Variants in CORIN observed in about 807,000 individuals in gnomAD.
CORIN encodes atrial natriuretic peptide-converting enzyme.
Under a neutral mutation model 125.3 loss-of-function variants are expected in CORIN, and 117 were observed. The observed-to-expected ratio is 0.93, with a 90% confidence interval of 0.80 to 1.09. CORIN has a LOEUF of 1.09. Among genes scored for constraint, CORIN ranks in the 50% least tolerant of loss-of-function variants. The probability of loss-of-function intolerance (pLI) is 0.00; values close to 1 mark genes in which losing one functional copy is unlikely to be tolerated. For synonymous variants in CORIN, 450 were observed against 466.4 expected (o/e 0.96, Z 0.45); for missense variants, 1,253 against 1,306.7 (o/e 0.96, Z 0.63).
chr4:47,690,656 A>C (rs747783243), intron 6 of CORIN, among the ~76,000 whole-genome samples: 1 of 152,218 alleles, frequency 6.6e-6, no homozygotes, highest in Non-Finnish European at 1.5e-5. Flanking sequence ...CTTAGGAACT[A>C]GGCATTTTCT....
intron 5 of CORIN, among the ~76,000 whole-genome samples, chr4:47,709,501 A>C (rs1330384419): frequency 6.6e-6 from 1 of 152,082 alleles, no homozygotes; most frequent in Admixed American, 6.6e-5. Context: ...CATGTTGCCC[A>C]GGCTAGTCTC....
chr4:47,626,913 T>C (rs1329798707), intron 16 of CORIN, among the ~76,000 whole-genome samples: 2 of 152,288 alleles, frequency 1.3e-5, no homozygotes, highest in East Asian at 3.9e-4. Context: ...CAGTGGCCAT[T>C]TAGCATTTAT....
In CORIN at chr4:47,665,072, T is replaced by G. The variant is rs1724418249; in HGVS notation, c.1549A>C (p.Lys517Gln). Residue 517 changes from lysine to glutamine, a missense_variant, in exon 11 of 22, where the codon AAA (lysine) becomes CAA (glutamine). By Grantham distance (53) the Lys-to-Gln change is moderately conservative. Coordinates refer to ENST00000273857, the MANE Select transcript of CORIN (RefSeq NM_006587.4). ...TGCTCGCCTGTATTCACATCACATTTTGGTACCAAAATGGTGCAAGAAAAG... is the reference window on the plus strand; with the variant it reads ...TGCTCGCCTGTATTCACATCACATTGTGGTACCAAAATGGTGCAAGAAAAG... ...MFFSCTILVP[K>Q]CDVNTGEHIP... The G allele has an allele frequency of 6.2e-7, 1 of 1,613,412 alleles. No homozygotes were observed.
At chr4:47,706,137 G>A (rs1023321628) in intron 5 of CORIN, among the ~76,000 whole-genome samples, 1 of 152,066 alleles carries the variant, frequency 6.6e-6, no homozygotes, top group Non-Finnish European at 1.5e-5. Context: ...TGATTTCTGT[G>A]GATGCTGAAT....
intron 1 of CORIN, among the ~76,000 whole-genome samples, chr4:47,829,090 G>A (rs4518214): frequency 0.38 from 55,600 of 148,190 alleles, 10,937 homozygotes; most frequent in Non-Finnish European, 0.44. Context: ...CCCGGGAGGC[G>A]GAGCTTGCAG....
chr4:47,623,998 T>C, intron 17 of CORIN, 50 bp from the exon 18 acceptor site: 1 of 1,509,790 alleles, frequency 6.6e-7, no homozygotes, highest in South Asian at 1.1e-5. Context: ...ATATTTCTTG[T>C]TCAATTCAAA....
intron 1 of CORIN, among the ~76,000 whole-genome samples, chr4:47,826,397 G>A (rs62299256): frequency 0.32 from 49,268 of 152,120 alleles, 9,767 homozygotes; most frequent in Non-Finnish European, 0.44. Context: ...CACAGTTCTG[G>A]AGGTTGGAAG....
In CORIN at chr4:47,600,364, TAAG is replaced by T; in HGVS notation, c.2813-20_2813-18del. 6.3e-7 allele frequency: 1 copy of T among 1,587,276 alleles called. No individual in the cohort carries two copies. The highest frequency in any genetic ancestry group is 1.7e-4 in the Middle Eastern group (1 of 5,994). On this transcript the variant is annotated intron_variant, in intron 20 of 21. Transcript: ENST00000273857. Reference sequence around the variant, plus strand: ...TAAATGGCACTGAATTTTTAAAAAATAAGAATATATATATGATGATAAAATGAC... The same window carrying T: ...TAAATGGCACTGAATTTTTAAAAAATAATATATATATGATGATAAAATGAC...
chr4:47,754,735 G>A (rs116171938), intron 4 of CORIN, among the ~76,000 whole-genome samples: 3 of 152,044 alleles, frequency 2.0e-5, no homozygotes, highest in African/African-American at 7.2e-5. Context: ...GATTTGCACT[G>A]AAGAGAAACA....
chr4:47,783,784 A>T (rs892346599), intron 3 of CORIN, among the ~76,000 whole-genome samples: 5 of 152,086 alleles, frequency 3.3e-5, no homozygotes, highest in African/African-American at 1.2e-4. Flanking sequence ...CAAAAGTGAT[A>T]AATCATATAT....
chr4:47,762,285 T>C (rs570659954), intron 4 of CORIN, among the ~76,000 whole-genome samples: 1 of 152,194 alleles, frequency 6.6e-6, no homozygotes, highest in African/African-American at 2.4e-5. Flanking sequence ...ACACAGTAAA[T>C]GCATGCAATT....
At chr4:47,613,384 T>C (rs1577736823) in intron 19 of CORIN, among the ~76,000 whole-genome samples, 1 of 151,788 alleles carries the variant, frequency 6.6e-6, no homozygotes. Context: ...ACCTAGGAGG[T>C]GGAGGTTTCA....
chr4:47,614,965 T>G (rs1442045254), intron 19 of CORIN, among the ~76,000 whole-genome samples: 1 of 152,206 alleles, frequency 6.6e-6, no homozygotes, highest in Non-Finnish European at 1.5e-5. Context: ...TAATAGAAGA[T>G]TTGACGGGGC....
At chr4:47,692,481 TA>T in intron 6 of CORIN, among the ~76,000 whole-genome samples, 1 of 150,424 alleles carries the variant, frequency 6.6e-6, no homozygotes, top group East Asian at 1.9e-4. Flanking sequence ...TGAGGACACA[TA>T]AGGCTGAATC....
At position 47,620,284 on chromosome 4, in the gene CORIN, T is replaced by C. The variant is rs148370032; in HGVS notation, c.2540+3287A>G. ...TTAAGAACATTTATTGCAGTATTGT[T>C]AAAATGGCAGCAAACTGGAACTAAA... On this transcript the variant is annotated intron_variant, in intron 19 of 21. Transcript: ENST00000273857. 2.6e-3 allele frequency among the ~76,000 whole-genome samples: 399 copies of C among 152,306 alleles called. 7 individuals carry two copies. Among genetic ancestry groups the C allele is most frequent in the African/African-American group, 9.0e-3 (374 of 41,570 alleles).
chr4:47,600,481 G>T, intron 20 of CORIN, 134 bp from the exon 21 acceptor site: 1 of 587,302 alleles, frequency 1.7e-6, no homozygotes, highest in Non-Finnish European at 2.7e-6. Context: ...TTCTTTACTT[G>T]AAATGCCATT....
intron 5 of CORIN, among the ~76,000 whole-genome samples, chr4:47,728,545 G>T (rs1224533291): frequency 2.6e-5 from 4 of 152,200 alleles, no homozygotes; most frequent in Non-Finnish European, 2.9e-5. Flanking sequence ...AATAGCAAAT[G>T]AGCAGCATTC....
At chr4:47,675,398 C>G (rs1489558600) in intron 9 of CORIN, among the ~76,000 whole-genome samples, 5 of 151,948 alleles carry the variant, frequency 3.3e-5, no homozygotes, top group Non-Finnish European at 5.9e-5. Flanking sequence ...TTTCCAGTAC[C>G]ACTAATGTGC....
intron 5 of CORIN, among the ~76,000 whole-genome samples, chr4:47,736,082 G>T (rs540634205): frequency 2.0e-5 from 3 of 151,244 alleles, no homozygotes; most frequent in Non-Finnish European, 4.4e-5. Context: ...CTTAAATCCC[G>T]TATCAATGGG....
Sources: gnomAD v4.1 joint callset for allele counts (sites outside exome capture counted in the v4.1 genomes callset) on GRCh38, gnomAD v4.1.1 for gene constraint, MANE v1.5 for transcripts, NCBI Gene and HGNC (gene_info 2026-07-23, HGNC 2026-07-21) for gene names.